The following PALM2AKAP2 variants were observed in gnomAD, a reference collection of about 807,000 sequenced individuals.
The protein encoded by PALM2AKAP2 is PALM2-AKAP2 fusion protein.
In PALM2AKAP2, 37 loss-of-function variants were observed where a neutral mutation model predicts 71.5. The ratio of observed to expected loss-of-function variants is 0.52; its 90% CI spans 0.40 to 0.68. The LOEUF (loss-of-function observed/expected upper bound fraction) is 0.68, where lower values mean the gene tolerates loss of function less well. PALM2AKAP2 is among the 30% of genes least tolerant of loss of function. The pLI is 0.00. For synonymous variants in PALM2AKAP2, 468 were observed against 478.8 expected (o/e 0.98, Z 0.29); for missense variants, 1,224 against 1,191.8 (o/e 1.03, Z -0.40).
At chr9:110,080,972 C>T (rs1291486554) in intron 1 of PALM2AKAP2, among the ~76,000 whole-genome samples, 1 of 152,158 alleles carries the variant, frequency 6.6e-6, no homozygotes, top group Non-Finnish European at 1.5e-5. Context: ...TGAGGCACTG[C>T]GCCCAGCCAA....
intron 5 of PALM2AKAP2, among the ~76,000 whole-genome samples, chr9:109,925,910 A>G (rs1207885736): frequency 6.6e-6 from 1 of 152,152 alleles, no homozygotes; most frequent in Non-Finnish European, 1.5e-5. Flanking sequence ...TGGCTCTTAG[A>G]AAGTCACATT....
At position 109,770,864 on chromosome 9, in the gene PALM2AKAP2, C is replaced by T. The variant is rs77309635; in HGVS notation, c.6-9624C>T. 3.7e-3 allele frequency among the ~76,000 whole-genome samples: 568 copies of T among 152,308 alleles called. 4 individuals are homozygous for T. The highest frequency in any genetic ancestry group is 0.013 in the African/African-American group (532 of 41,552). On this transcript the variant is annotated intron_variant, in intron 1 of 6. Transcript: ENST00000374531. The stretch of plus-strand genomic sequence containing the variant: ...AATTCATTGAGCATCTGCAATATGC[C>T]AGGAGCTTTGTATACATTATCTCAT...
At chr9:109,770,783 C>T (rs1829248504) in intron 1 of PALM2AKAP2, among the ~76,000 whole-genome samples, 1 of 152,190 alleles carries the variant, frequency 6.6e-6, no homozygotes, top group African/African-American at 2.4e-5. Flanking sequence ...TAGGTGTCAA[C>T]ATCCAGAAGG....
intron 1 of PALM2AKAP2, among the ~76,000 whole-genome samples, chr9:109,823,627 G>A (rs72753040): frequency 0.012 from 1,869 of 152,202 alleles, 23 homozygotes; most frequent in Non-Finnish European, 0.017. Flanking sequence ...TCCCAATCAG[G>A]CTGCCCCACC....
intron 3 of PALM2AKAP2, among the ~76,000 whole-genome samples, chr9:110,161,449 G>T (rs559535296): frequency 3.7e-4 from 57 of 152,232 alleles, no homozygotes; most frequent in African/African-American, 1.3e-3. Flanking sequence ...GGAACTAAAG[G>T]ATCATTTCAG....
At chr9:109,870,401 A>C (rs1459668506) in intron 2 of PALM2AKAP2, among the ~76,000 whole-genome samples, 2 of 152,080 alleles carry the variant, frequency 1.3e-5, no homozygotes, top group Admixed American at 1.3e-4. Context: ...ACATTCGTGG[A>C]GGTTATATTT....
chr9:110,155,108 C>T (rs1836414214), intron 2 of PALM2AKAP2, among the ~76,000 whole-genome samples: 5 of 152,202 alleles, frequency 3.3e-5, no homozygotes, highest in Admixed American at 2.6e-4. Context: ...AAGGGCTAAG[C>T]AGCCCATATG....
At chr9:109,737,679 A>C (rs1277040315) in intron 1 of PALM2AKAP2, among the ~76,000 whole-genome samples, 1 of 152,246 alleles carries the variant, frequency 6.6e-6, no homozygotes, top group Non-Finnish European at 1.5e-5. Context: ...TGACAGTCCA[A>C]CAAGAACAAT....
rs191595937 is a variant in PALM2AKAP2, at chr9:109,715,576, C to T, written c.6-64912C>T. Among the ~76,000 whole-genome samples, 10 of 152,336 alleles carry T rather than the reference C, an allele frequency of 6.6e-5. No homozygotes were observed. In the East Asian group the frequency reaches 1.7e-3, roughly 26 times the overall value. ...CTGCTGTCCACTCCCTGCAGTGCAA[C>T]CCAGCCCAGCCCCTGCCTTATGTGC... On this transcript the variant is annotated intron_variant, in intron 1 of 6. Transcript: ENST00000374531.
At chr9:109,876,495 T>G (rs1374051528) in intron 2 of PALM2AKAP2, among the ~76,000 whole-genome samples, 1 of 152,214 alleles carries the variant, frequency 6.6e-6, no homozygotes, top group Non-Finnish European at 1.5e-5. Context: ...TTTCTTTTTT[T>G]TGAGACAGAG....
intron 6 of PALM2AKAP2, among the ~76,000 whole-genome samples, chr9:109,992,651 G>C (rs1273160142): frequency 1.3e-5 from 2 of 152,124 alleles, no homozygotes; most frequent in Non-Finnish European, 2.9e-5. Flanking sequence ...CTTTATGAAA[G>C]TGAGTTCCTT....
intron 1 of PALM2AKAP2, among the ~76,000 whole-genome samples, chr9:109,789,452 A>G (rs2118857848): frequency 6.6e-6 from 1 of 152,340 alleles, no homozygotes; most frequent in African/African-American, 2.4e-5. Context: ...TGCAAGTATG[A>G]CTTGTTATTG....
chr9:110,061,675 A>G lies in PALM2AKAP2; in HGVS notation c.156+12820A>G, dbSNP rs564604322. Among the ~76,000 whole-genome samples the G allele has an allele frequency of 5.7e-4, 86 of 150,512 alleles. 3 individuals are homozygous for G. In the East Asian group the frequency reaches 0.013, roughly 23 times the overall value. On this transcript the variant is annotated intron_variant, in intron 1 of 3. Coordinates refer to ENST00000374525, the Ensembl canonical transcript of PALM2AKAP2. ...TGTGTGTGTACATATATATATGTGT[A>G]CAACAGGTACACACCACCACGCCTG...
intron 1 of PALM2AKAP2, among the ~76,000 whole-genome samples, chr9:109,813,783 A>T (rs975582139): frequency 2.6e-5 from 4 of 152,240 alleles, no homozygotes; most frequent in Admixed American, 1.3e-4. Flanking sequence ...TGGACTTTTC[A>T]AGAAGCCGAT....
At position 109,869,729 on chromosome 9, in the gene PALM2AKAP2, G is replaced by A. The variant is rs1416051504; in HGVS notation, c.126+2158G>A. Among the ~76,000 whole-genome samples, 3 of 151,936 alleles carry A rather than the reference G, an allele frequency of 2.0e-5. No individual in the cohort carries two copies. In the East Asian group the frequency reaches 5.8e-4, roughly 29 times the overall value. On this transcript the variant is annotated intron_variant, in intron 2 of 9. Coordinates refer to the PALM2AKAP2 transcript ENST00000302798. The stretch of plus-strand genomic sequence containing the variant: ...TTGGTCTTGTATGCGGAAGCAGTGA[G>A]GTTTTTCTCAAGGACTTGGAAACAA...
At chr9:109,925,870 G>A (rs1045992511) in intron 5 of PALM2AKAP2, among the ~76,000 whole-genome samples, 1 of 152,204 alleles carries the variant, frequency 6.6e-6, no homozygotes, top group Non-Finnish European at 1.5e-5. Flanking sequence ...GCAGGGACTT[G>A]TTGGAAAGAC....
At chr9:110,054,538 T>A (rs1179333002) in intron 1 of PALM2AKAP2, among the ~76,000 whole-genome samples, 6 of 152,254 alleles carry the variant, frequency 3.9e-5, no homozygotes, top group African/African-American at 1.4e-4. Flanking sequence ...TCATTACAGA[T>A]GCAAATGATA....
intron 6 of PALM2AKAP2, among the ~76,000 whole-genome samples, chr9:110,002,332 G>C (rs1175757918): frequency 6.6e-6 from 1 of 152,042 alleles, no homozygotes; most frequent in East Asian, 1.9e-4. Flanking sequence ...ACTTGCATAT[G>C]TTGAACCAGC....
intron 2 of PALM2AKAP2, among the ~76,000 whole-genome samples, chr9:109,871,822 T>A (rs947286359): frequency 2.0e-5 from 3 of 152,228 alleles, no homozygotes; most frequent in Non-Finnish European, 4.4e-5. Context: ...TTAGGATAAC[T>A]GACTTTGATG....
Sources: gnomAD v4.1 joint callset for allele counts (sites outside exome capture counted in the v4.1 genomes callset) on GRCh38, gnomAD v4.1.1 for gene constraint, MANE v1.5 for transcripts, NCBI Gene and HGNC (gene_info 2026-07-23, HGNC 2026-07-21) for gene names.